Variants in CLEC2L observed in about 807,000 individuals in gnomAD.
CLEC2L encodes C-type lectin domain family 2 member L.
CLEC2L carries 14 observed loss-of-function variants against 23.6 expected under a neutral mutation model. The ratio of observed to expected loss-of-function variants is 0.59; its 90% CI spans 0.39 to 0.93. The LOEUF is 0.93. Among genes scored for constraint, CLEC2L ranks in the 40% least tolerant of loss-of-function variants. The pLI, the probability that CLEC2L is intolerant of heterozygous loss-of-function variation, is 0.00. For synonymous variants in CLEC2L, 114 were observed against 121.3 expected (o/e 0.94, Z 0.40); for missense variants, 264 against 282.4 (o/e 0.93, Z 0.47).
chr7:139,543,936 A>G (rs113895925), intron 4 of CLEC2L, among the ~76,000 whole-genome samples: 3 of 152,140 alleles, frequency 2.0e-5, no homozygotes, highest in Admixed American at 2.0e-4. Context: ...ACTGGGTGCC[A>G]TGGAGCCTGG....
intron 1 of CLEC2L, among the ~76,000 whole-genome samples, chr7:139,529,519 C>T (rs1398086886): frequency 1.3e-5 from 2 of 152,170 alleles, no homozygotes; most frequent in East Asian, 1.9e-4. Context: ...AGGCAGCCAT[C>T]GTGTAGCTCC....
chr7:139,534,568 C>A, intron 1 of CLEC2L: 2 of 740,190 alleles, frequency 2.7e-6, no homozygotes, highest in Non-Finnish European at 2.5e-6. Context: ...GTATTGGAAG[C>A]ATTAGGGGGG....
At chr7:139,525,877 A>G (rs1797498962) in intron 1 of CLEC2L, among the ~76,000 whole-genome samples, 1 of 152,020 alleles carries the variant, frequency 6.6e-6, no homozygotes, top group South Asian at 2.1e-4. Flanking sequence ...CCACACACCA[A>G]GCTGGAAGGT....
At chr7:139,532,638 G>C (rs1797596747) in intron 1 of CLEC2L, among the ~76,000 whole-genome samples, 1 of 152,176 alleles carries the variant, frequency 6.6e-6, no homozygotes, top group South Asian at 2.1e-4. Flanking sequence ...TAATTGAGCG[G>C]TAATTAGATT....
In CLEC2L at chr7:139,524,073, G is replaced by T; in HGVS notation, c.146G>T (p.Gly49Val). 4.9e-6 allele frequency: 6 copies of T among 1,226,130 alleles called. No individual in the cohort carries two copies. Among genetic ancestry groups the T allele is most frequent in the Non-Finnish European group, 6.1e-6 (6 of 982,124 alleles). The allele number at this position is 1,226,130 out of a possible 1,614,324, so 76.0% of individuals were successfully genotyped here. A position where few individuals can be genotyped will look rare whatever the true frequency, so the allele number is the denominator to read the frequency against. Residue 49 changes from glycine to valine, a missense_variant, in exon 1 of 5, where the codon GGG (glycine) becomes GTG (valine). Gly to Val is a moderately radical substitution (Grantham distance 109). Coordinates refer to ENST00000422142, the MANE Select transcript of CLEC2L (RefSeq NM_001080511.4). ...RGPEGLLRRS[G>V]SGYEGSTSWK... ...CCCGAGGGGCTGCTGCGGCGATCCGGGTCGGGCTACGAGGGCAGCACCAGC... is the reference window on the plus strand; with the variant it reads ...CCCGAGGGGCTGCTGCGGCGATCCGTGTCGGGCTACGAGGGCAGCACCAGC...
At chr7:139,524,205 C>A in intron 1 of CLEC2L, 88 bp downstream of exon 1, 1 of 1,010,426 alleles carries the variant, frequency 9.9e-7, no homozygotes, top group Non-Finnish European at 1.2e-6. Context: ...GTCACCTTGG[C>A]CGCTGTCCCG....
rs866944759 is a variant in CLEC2L at position 139,540,719 on chromosome 7, G to A, written c.432+232G>A. 1.3e-5 allele frequency among the ~76,000 whole-genome samples: 2 copies of A among 152,104 alleles called. No homozygotes were observed. The highest frequency in any genetic ancestry group is 4.2e-4 in the South Asian group (2 of 4,816). The stretch of plus-strand genomic sequence containing the variant: ...TCAAGGCCACCTATTTCAATCCAAG[G>A]CCCACTGGTTGAGGTCACTTAGTAT... On this transcript the variant is annotated intron_variant, in intron 3 of 4. Coordinates refer to ENST00000422142, the MANE Select transcript of CLEC2L (RefSeq NM_001080511.4). The surrounding 1 kb of genome is among the most constrained non-coding windows in gnomAD (Gnocchi z 5.8).
chr7:139,532,667 T>C (rs1797596952), intron 1 of CLEC2L, among the ~76,000 whole-genome samples: 2 of 152,034 alleles, frequency 1.3e-5, no homozygotes, highest in South Asian at 4.1e-4. Flanking sequence ...GTCATGAGGG[T>C]AGAGCTCCTG....
chr7:139,525,764 C>T (rs1483537002), intron 1 of CLEC2L, among the ~76,000 whole-genome samples: 1 of 152,160 alleles, frequency 6.6e-6, no homozygotes, highest in African/African-American at 2.4e-5. Flanking sequence ...ATGCCTCCTG[C>T]TTGCTGTTCC....
At chr7:139,536,211 GCTGGCAGTGGGA>G (rs1797652987) in intron 1 of CLEC2L, 51 bp from the exon 2 acceptor site, 1 of 1,285,712 alleles carries the variant, frequency 7.8e-7, no homozygotes, top group South Asian at 1.3e-5. Flanking sequence ...AGGGTATGGG[GCTGGCAGTGGGA>G]CTGGCGGTGG....
intron 1 of CLEC2L, among the ~76,000 whole-genome samples, chr7:139,532,159 CAATT>C (rs1352082415): frequency 1.3e-5 from 2 of 152,166 alleles, no homozygotes; most frequent in African/African-American, 2.4e-5. Context: ...AGCTAGAAGA[CAATT>C]AAGTAATACC....
chr7:139,529,118 A>G (rs1797544058), intron 1 of CLEC2L, among the ~76,000 whole-genome samples: 1 of 150,392 alleles, frequency 6.6e-6, no homozygotes, highest in African/African-American at 2.5e-5. Context: ...CACAGTCCTT[A>G]CCCCAAAGCA....
At chr7:139,543,461 C>T (rs1797765605) in intron 4 of CLEC2L, among the ~76,000 whole-genome samples, 1 of 152,244 alleles carries the variant, frequency 6.6e-6, no homozygotes, top group Non-Finnish European at 1.5e-5. Context: ...TTCCCTTGCA[C>T]TCCTTCTTGG....
chr7:139,532,824 C>T (rs902672598), intron 1 of CLEC2L, among the ~76,000 whole-genome samples: 5 of 152,208 alleles, frequency 3.3e-5, no homozygotes, highest in Non-Finnish European at 1.5e-5. Flanking sequence ...CCTGATCCAG[C>T]CTCTAGAACT....
At position 139,523,814 on chromosome 7, in the gene CLEC2L, C is replaced by A; in HGVS notation, c.-114C>A. 1 of 648,074 alleles carries A rather than the reference C, an allele frequency of 1.5e-6. No homozygotes were observed. The highest frequency in any genetic ancestry group is 1.9e-6 in the Non-Finnish European group (1 of 523,920). The allele number at this position is 648,074 out of a possible 1,614,324, so 40.1% of individuals were successfully genotyped here. On this transcript the variant is annotated 5_prime_UTR_variant, in exon 1 of 5. Transcript: ENST00000422142. This position sits in a 1 kb window ranked among gnomAD's most constrained non-coding sequence, Gnocchi z 4.1. The stretch of plus-strand genomic sequence containing the variant: ...GGCCTGCCAGCGCCGCGGTCCTAGC[C>A]CACCCGAGGCCGGCCTGGGGGGCCC...
chr7:139,526,197 G>T (rs1797503417), intron 1 of CLEC2L, among the ~76,000 whole-genome samples: 1 of 152,152 alleles, frequency 6.6e-6, no homozygotes. Context: ...GTGCCCCCAA[G>T]CTCCTCTCTT....
Position 139,540,624 on chromosome 7 carries a change from C to A in CLEC2L, c.432+137C>A. 2 of 968,022 alleles carry A rather than the reference C, an allele frequency of 2.1e-6. No individual in the cohort carries two copies. The highest frequency in any genetic ancestry group is 1.6e-6 in the Non-Finnish European group (1 of 637,206). 60.0% of individuals were successfully genotyped at this position (968,022 alleles called of 1,614,324 possible). On this transcript the variant is annotated intron_variant, in intron 3 of 4. Transcript: ENST00000422142. The surrounding 1 kb of genome is among the most constrained non-coding windows in gnomAD (Gnocchi z 5.8). ...CCAAAGCCGCCCACCTGCTGCATAA[C>A]CACTTGGGGTGCAGGCAGACCTCAC... is the stretch of plus-strand genomic sequence containing the variant.
chr7:139,534,654 A>G (rs1247140202), intron 1 of CLEC2L: 1 of 581,700 alleles, frequency 1.7e-6, no homozygotes. Context: ...TCCTGTTTCC[A>G]CTTTGTTATA....
chr7:139,542,911 TG>T (rs1569428626), intron 4 of CLEC2L, among the ~76,000 whole-genome samples: 1 of 151,718 alleles, frequency 6.6e-6, no homozygotes, highest in South Asian at 2.1e-4. Flanking sequence ...CAGAGGGAAG[TG>T]GGACCCGCAG....
Sources: allele counts gnomAD v4.1 joint callset (sites outside exome capture counted in the v4.1 genomes callset), GRCh38; gene constraint gnomAD v4.1.1; non-coding constraint Gnocchi (gnomAD v3.1); transcripts MANE v1.5; gene names NCBI Gene and HGNC (gene_info 2026-07-23, HGNC 2026-07-21).